Variants in CACNG2 observed in about 807,000 individuals in gnomAD.
CACNG2 encodes calcium voltage-gated channel auxiliary subunit gamma 2.
Under a neutral mutation model 25.9 loss-of-function variants are expected in CACNG2, and 3 were observed. The observed-to-expected ratio is 0.12, with a 90% CI of 0.05 to 0.30. CACNG2 has a LOEUF of 0.30. Ranked by LOEUF, CACNG2 falls within the 10% of genes least tolerant of loss-of-function variation. The pLI is 1.00. For synonymous variants in CACNG2, 167 were observed against 173.3 expected, an observed-to-expected ratio of 0.96 and a Z score of 0.29; for missense variants, 341 against 432.5, an observed-to-expected ratio of 0.79 and a Z score of 1.88.
intron 1 of CACNG2, among the ~76,000 whole-genome samples, chr22:36,611,423 T>C (rs2267346): frequency 0.82 from 124,771 of 152,170 alleles, 51,525 homozygotes; most frequent in East Asian, 0.97. Context: ...CAGAGGCAAA[T>C]GTTGGACAGG....
At chr22:36,566,223 C>T in intron 3 of CACNG2, 130 bp downstream of exon 3, 1 of 953,144 alleles carries the variant, frequency 1.0e-6, no homozygotes, top group Non-Finnish European at 1.6e-6. Context: ...TCCCCTGCAA[C>T]ACGACCTAGT....
intron 1 of CACNG2, among the ~76,000 whole-genome samples, chr22:36,650,502 T>C (rs935381256): frequency 2.6e-5 from 4 of 152,062 alleles, no homozygotes; most frequent in African/African-American, 7.2e-5. Flanking sequence ...CTCCTAAGTA[T>C]AGCTGGGACT....
intron 1 of CACNG2, among the ~76,000 whole-genome samples, chr22:36,679,529 T>C (rs1458943299): frequency 1.3e-5 from 2 of 152,224 alleles, no homozygotes; most frequent in East Asian, 1.9e-4. Flanking sequence ...GTTATGCATA[T>C]GAAATCTACT....
At chr22:36,701,917 T>G (rs1937415683) in intron 1 of CACNG2, among the ~76,000 whole-genome samples, 1 of 152,126 alleles carries the variant, frequency 6.6e-6, no homozygotes, top group African/African-American at 2.4e-5. Context: ...CTAGGACTTT[T>G]GGGGAGTAAG....
chr22:36,604,174 A>T (rs1354212306), intron 1 of CACNG2, among the ~76,000 whole-genome samples: 1 of 152,216 alleles, frequency 6.6e-6, no homozygotes. Flanking sequence ...AGAGGAAGTA[A>T]TTCAGATGTT....
chr22:36,663,200 T>C (rs1341752517), intron 1 of CACNG2, among the ~76,000 whole-genome samples: 1 of 152,262 alleles, frequency 6.6e-6, no homozygotes, highest in East Asian at 1.9e-4. Context: ...GTGCCTGGCA[T>C]GGAGGACGTG....
chr22:36,627,446 C>G (rs113241752), intron 1 of CACNG2, among the ~76,000 whole-genome samples: 1 of 152,048 alleles, frequency 6.6e-6, no homozygotes, highest in East Asian at 1.9e-4. Context: ...CACGGTAACA[C>G]ATATAGTCTG....
intron 1 of CACNG2, among the ~76,000 whole-genome samples, chr22:36,629,657 A>G (rs1936238106): frequency 6.6e-6 from 1 of 152,046 alleles, no homozygotes; most frequent in African/African-American, 2.4e-5. Context: ...TACAAGTCAG[A>G]CAAGTAGAAC....
intron 1 of CACNG2, among the ~76,000 whole-genome samples, chr22:36,654,651 C>T (rs374201204): frequency 3.3e-5 from 5 of 152,004 alleles, no homozygotes; most frequent in African/African-American, 9.7e-5. Context: ...AGTCAGAAGC[C>T]GGATTTGGCA....
chr22:36,571,886 A>C (rs376802469), intron 2 of CACNG2, among the ~76,000 whole-genome samples: 4,864 of 149,148 alleles, frequency 0.033, 269 homozygotes, highest in African/African-American at 0.11. Flanking sequence ...CAAAAACAAA[A>C]AAAAAAAAAA....
chr22:36,690,082 C>A (rs1306555369), intron 1 of CACNG2, among the ~76,000 whole-genome samples: 3 of 152,250 alleles, frequency 2.0e-5, no homozygotes, highest in Non-Finnish European at 4.4e-5. Flanking sequence ...GCGCTGGTGT[C>A]ATTTTAGTTC....
At chr22:36,588,962 AT>A (rs1224011604) in intron 1 of CACNG2, among the ~76,000 whole-genome samples, 2 of 149,972 alleles carry the variant, frequency 1.3e-5, no homozygotes, top group Non-Finnish European at 3.0e-5. Context: ...TTAATTAGGA[AT>A]TTTACGGTAT....
In CACNG2 at chr22:36,564,172, TTA is replaced by T. The variant is rs1935079969; in HGVS notation, c.*177_*178del. The T allele has an allele frequency of 8.0e-6, 4 of 501,286 alleles. No homozygotes were observed. Among genetic ancestry groups the T allele is most frequent in the Non-Finnish European group, 1.4e-5 (4 of 292,448 alleles). 31.1% of individuals were successfully genotyped at this position (501,286 alleles called of 1,614,324 possible). ...TGTTCTTTTTTTTAAAATTTACTTG[TTA>T]TGTTTTTTCTCTTTTTTTGTGTGTG... On this transcript the variant is annotated 3_prime_UTR_variant, in exon 4 of 4. Transcript: ENST00000300105. This position sits in a 1 kb window ranked among gnomAD's most constrained non-coding sequence, Gnocchi z 6.7.
intron 1 of CACNG2, among the ~76,000 whole-genome samples, chr22:36,663,758 G>T (rs1303693982): frequency 1.3e-5 from 2 of 152,170 alleles, no homozygotes; most frequent in Non-Finnish European, 2.9e-5. Context: ...CCGCGTCATG[G>T]GGACCCGCTG....
chr22:36,634,621 C>T (rs1266998738), intron 1 of CACNG2, among the ~76,000 whole-genome samples: 1 of 152,084 alleles, frequency 6.6e-6, no homozygotes, highest in African/African-American at 2.4e-5. Context: ...TTTGGAGCTC[C>T]CAGGACAGGT....
intron 1 of CACNG2, among the ~76,000 whole-genome samples, chr22:36,661,228 C>A (rs982421468): frequency 6.6e-6 from 1 of 152,206 alleles, no homozygotes; most frequent in Non-Finnish European, 1.5e-5. Flanking sequence ...GGAGGCAGTA[C>A]CCGATGGGGT....
chr22:36,579,604 C>T (rs1310275478), intron 2 of CACNG2, among the ~76,000 whole-genome samples: 1 of 152,064 alleles, frequency 6.6e-6, no homozygotes, highest in Non-Finnish European at 1.5e-5. Flanking sequence ...CAGACCATGC[C>T]TGTCCCCTGC....
intron 1 of CACNG2, among the ~76,000 whole-genome samples, chr22:36,645,366 T>C (rs1393623648): frequency 2.0e-5 from 3 of 151,752 alleles, no homozygotes; most frequent in African/African-American, 7.3e-5. Context: ...TGAAACCCCA[T>C]CTCTACTAAA....
chr22:36,563,003 C>T lies in CACNG2; in HGVS notation c.*1348G>A, dbSNP rs1389358957. On this transcript the variant is annotated 3_prime_UTR_variant, in exon 4 of 4. Coordinates refer to ENST00000300105, the MANE Select transcript of CACNG2 (RefSeq NM_006078.5). The stretch of plus-strand genomic sequence containing the variant: ...AAAGTTTAAGTCCCCCACCCCGCCC[C>T]ATTTTTTGTTTTCACAGTTTAAAGC... The T allele has an allele frequency of 1.3e-5, 2 of 151,966 alleles. No homozygotes were observed. The highest frequency in any genetic ancestry group is 2.9e-5 in the Non-Finnish European group (2 of 67,986). The allele number at this position is 151,966 out of a possible 1,614,324, so 9.4% of individuals were successfully genotyped here. A position where few individuals can be genotyped will look rare whatever the true frequency, so the allele number is the denominator to read the frequency against.
Sources: gnomAD v4.1 joint callset for allele counts (sites outside exome capture counted in the v4.1 genomes callset) on GRCh38, gnomAD v4.1.1 for gene constraint, Gnocchi (gnomAD v3.1) non-coding constraint, MANE v1.5 for transcripts, NCBI Gene and HGNC (gene_info 2026-07-23, HGNC 2026-07-21) for gene names.